CANX: variants seen among roughly 807,000 people sequenced by gnomAD.
CANX encodes the protein epididymis secretory sperm binding protein.
In CANX, 14 loss-of-function variants were observed where a neutral mutation model predicts 75.7. The observed-to-expected ratio is 0.19, with a 90% confidence interval of 0.12 to 0.29. CANX has a LOEUF of 0.29. Among genes scored for constraint, CANX ranks in the 10% least tolerant of loss-of-function variants. The probability of loss-of-function intolerance (pLI) is 1.00; values close to 1 mark genes in which losing one functional copy is unlikely to be tolerated. For missense variants in CANX, 567 were observed against 713.2 expected, an observed-to-expected ratio of 0.79 and a Z score of 2.34; for synonymous variants, 227 against 236.9, an observed-to-expected ratio of 0.96 and a Z score of 0.38.
chr5:179,686,102 C>CTTTTTTTTTTTTT lies in CANX; in HGVS notation c.-4+7327_-4+7339dup, dbSNP rs757104413. Among the ~76,000 whole-genome samples, 1,134 of 128,216 alleles carry CTTTTTTTTTTTTT rather than the reference C, an allele frequency of 8.8e-3. 23 individuals are homozygous for CTTTTTTTTTTTTT. The highest frequency in any genetic ancestry group is 0.012 in the Non-Finnish European group (715 of 61,224). The allele number at this position is 128,216 out of a possible 152,430, so 84.1% of individuals were successfully genotyped here. A position where few individuals can be genotyped will look rare whatever the true frequency, so the allele number is the denominator to read the frequency against. On this transcript the variant is annotated intron_variant, in intron 1 of 14. Transcript: ENST00000681674. ...ATTTTGATGAAGTGGTTGTTCAAGT[C>CTTTTTTTTTTTTT]TTTTTTTTTTTTTTGAGACGGAGTC...
upstream of CANX, chr5:179,698,823 A>T (rs1776515126): frequency 6.6e-6 from 5 of 752,762 alleles, no homozygotes; most frequent in African/African-American, 3.7e-5. Context: ...GGCGTATGGG[A>T]CGGTGCGTAG....
At chr5:179,720,586 G>A (rs375669953) in intron 10 of CANX, 26 bp downstream of exon 10, 272 of 1,607,020 alleles carry the variant, frequency 1.7e-4, no homozygotes, top group Non-Finnish European at 2.2e-4. Flanking sequence ...TGGTTGAGTT[G>A]CTTTCATTAA....
intron 1 of CANX, among the ~76,000 whole-genome samples, chr5:179,686,610 G>T (rs896682672): frequency 5.3e-5 from 8 of 151,840 alleles, no homozygotes; most frequent in Non-Finnish European, 1.2e-4. Flanking sequence ...CTGCAGGGAG[G>T]CACCACTACA....
intron 1 of CANX, chr5:179,680,820 C>A: frequency 7.0e-7 from 1 of 1,430,272 alleles, no homozygotes; most frequent in South Asian, 1.2e-5. Flanking sequence ...TTCGTTAATT[C>A]ATAATACACT....
intron 7 of CANX, among the ~76,000 whole-genome samples, chr5:179,714,378 C>T (rs866924795): frequency 2.6e-5 from 4 of 151,992 alleles, no homozygotes; most frequent in African/African-American, 9.7e-5. Flanking sequence ...TGTACAAGTA[C>T]GATATGTCAA....
rs397724671 is a variant in CANX, at chr5:179,728,906, C to CTT, written c.*273_*274dup. ...TGAAATGTAACATGAAGCAAACTAA[C>CTT]TTTTTTTTTTTTAACATCTTTGTTT... On this transcript the variant is annotated 3_prime_UTR_variant, in exon 15 of 15. Coordinates refer to ENST00000247461, the MANE Select transcript of CANX (RefSeq NM_001746.4). 2.6e-4 allele frequency: 103 copies of CTT among 388,966 alleles called. No individual in the cohort carries two copies. Among genetic ancestry groups the CTT allele is most frequent in the African/African-American group, 7.2e-4 (34 of 47,072 alleles). The allele number at this position is 388,966 out of a possible 1,614,324, so 24.1% of individuals were successfully genotyped here. A position where few individuals can be genotyped will look rare whatever the true frequency, so the allele number is the denominator to read the frequency against.
intron 5 of CANX, among the ~76,000 whole-genome samples, chr5:179,708,640 T>C (rs1777319862): frequency 6.6e-6 from 1 of 151,964 alleles, no homozygotes; most frequent in African/African-American, 2.4e-5. Flanking sequence ...CATTAATAGT[T>C]TTTGTAATTA....
chr5:179,684,987 CT>C (rs1776164603), intron 1 of CANX, among the ~76,000 whole-genome samples: 1 of 129,770 alleles, frequency 7.7e-6, no homozygotes, highest in East Asian at 2.4e-4. Context: ...CATGTTGGCC[CT>C]GCCGGTCTTG....
intron 1 of CANX, among the ~76,000 whole-genome samples, chr5:179,689,699 C>T (rs1003114737): frequency 9.2e-5 from 14 of 151,422 alleles, no homozygotes; most frequent in Admixed American, 1.3e-4. Context: ...CTCTTTTTTT[C>T]TTCTTCTTCT....
chr5:179,679,228 G>A, intron 1 of CANX: 1 of 1,533,002 alleles, frequency 6.5e-7, no homozygotes, highest in South Asian at 1.2e-5. Flanking sequence ...TCGGGAGCCC[G>A]GATGTCCAGA....
upstream of CANX, among the ~76,000 whole-genome samples, chr5:179,695,644 A>AGACAGGGTGTTACTCTGG: frequency 6.9e-6 from 1 of 144,526 alleles, no homozygotes; most frequent in Non-Finnish European, 1.5e-5. Flanking sequence ...TTATTTATTT[A>AGACAGGGTGTTACTCTGG]TTTATTTTTA....
At chr5:179,723,892 A>AACATG in intron 12 of CANX, 113 bp downstream of exon 12, 1 of 933,880 alleles carries the variant, frequency 1.1e-6, no homozygotes, top group Non-Finnish European at 1.6e-6. Flanking sequence ...GTAATGACCA[A>AACATG]GCCATGTTTG....
intron 1 of CANX, among the ~76,000 whole-genome samples, chr5:179,703,842 T>C (rs906596665): frequency 6.6e-6 from 1 of 151,918 alleles, no homozygotes; most frequent in Non-Finnish European, 1.5e-5. Context: ...GGGTGATGAG[T>C]CTTCTTGTAG....
upstream of CANX, chr5:179,694,842 A>G: frequency 2.3e-6 from 1 of 430,758 alleles, no homozygotes; most frequent in Non-Finnish European, 4.3e-6. Context: ...CTGTGTGCCC[A>G]CTTTCTCCTT....
At chr5:179,698,924 G>C, upstream of CANX, 1 of 1,149,280 alleles carries the variant, frequency 8.7e-7, no homozygotes, top group Non-Finnish European at 1.1e-6. Context: ...GCCAGGGGCG[G>C]GCACAGGGCC....
intron 13 of CANX, 122 bp downstream of exon 13, chr5:179,724,905 A>G (rs1033572638): frequency 1.6e-5 from 21 of 1,350,694 alleles, no homozygotes; most frequent in Admixed American, 5.6e-5. Context: ...TAATCCTAGC[A>G]CTTTGGGAGG....
intron 1 of CANX, among the ~76,000 whole-genome samples, chr5:179,681,804 T>G (rs547730453): frequency 6.6e-6 from 1 of 151,986 alleles, no homozygotes; most frequent in African/African-American, 2.4e-5. Flanking sequence ...ACAAATTAGC[T>G]GGGCGTGGTG....
upstream of CANX, among the ~76,000 whole-genome samples, chr5:179,697,362 C>T (rs1166865890): frequency 6.6e-6 from 1 of 152,170 alleles, no homozygotes; most frequent in Non-Finnish European, 1.5e-5. Context: ...CTCGCCCAGC[C>T]AATTCTGACC....
chr5:179,723,444 C>T, intron 11 of CANX: 1 of 487,168 alleles, frequency 2.1e-6, no homozygotes. Flanking sequence ...ATGTAGAAGC[C>T]AGCTTTTGCA....
Sources: gnomAD v4.1 joint callset for allele counts (sites outside exome capture counted in the v4.1 genomes callset) on GRCh38, gnomAD v4.1.1 for gene constraint, MANE v1.5 for transcripts, NCBI Gene and HGNC (gene_info 2026-07-23, HGNC 2026-07-21) for gene names.